Variants in PDE4D observed in about 807,000 individuals in gnomAD.
The protein encoded by PDE4D is 3',5'-cyclic-AMP phosphodiesterase 4D.
PDE4D carries 24 observed loss-of-function variants against 87.4 expected under a neutral mutation model. The observed-to-expected ratio is 0.27, with a 90% CI of 0.20 to 0.39. PDE4D has a LOEUF of 0.39. PDE4D is among the 10% of genes least tolerant of loss of function. The pLI is 1.00. For missense variants in PDE4D, 714 were observed against 1,041.0 expected, an observed-to-expected ratio of 0.69 and a Z score of 4.32; for synonymous variants, 384 against 383.2, an observed-to-expected ratio of 1.00 and a Z score of -0.02.
intron 5 of PDE4D, among the ~76,000 whole-genome samples, chr5:59,056,806 T>A (rs1658022822): frequency 6.6e-6 from 1 of 152,176 alleles, no homozygotes; most frequent in African/African-American, 2.4e-5. Flanking sequence ...TGCATAGTAC[T>A]CCATGGTGTA....
intron 1 of PDE4D, among the ~76,000 whole-genome samples, chr5:59,497,890 A>AACGT (rs763546439): frequency 6.6e-6 from 1 of 152,098 alleles, no homozygotes; most frequent in Non-Finnish European, 1.5e-5. Flanking sequence ...ATCCAAGGTC[A>AACGT]ACGTGAAAGA....
intron 1 of PDE4D, among the ~76,000 whole-genome samples, chr5:59,654,606 C>T (rs180951736): frequency 1.3e-5 from 2 of 152,148 alleles, no homozygotes; most frequent in East Asian, 3.9e-4. Flanking sequence ...ACTGAAATAC[C>T]ACACAATCTG....
intron 1 of PDE4D, among the ~76,000 whole-genome samples, chr5:60,199,428 T>C (rs1281481602): frequency 6.6e-6 from 1 of 151,742 alleles, no homozygotes; most frequent in East Asian, 1.9e-4. Context: ...TCATTCAAAA[T>C]GGTGATAAGG....
intron 1 of PDE4D, among the ~76,000 whole-genome samples, chr5:59,826,352 G>A (rs1770318049): frequency 6.6e-6 from 1 of 152,128 alleles, no homozygotes; most frequent in Admixed American, 6.5e-5. Context: ...TACAGTAGAA[G>A]CTACGGAAAG....
At chr5:59,853,430 T>A (rs926823697) in intron 1 of PDE4D, among the ~76,000 whole-genome samples, 1 of 152,048 alleles carries the variant, frequency 6.6e-6, no homozygotes, top group Non-Finnish European at 1.5e-5. Flanking sequence ...AATTTTGAAA[T>A]AAAAAAGTGA....
In PDE4D at chr5:60,432,633, C is replaced by CA. The variant is rs938768237; in HGVS notation, c.-90+55308dup. 2.2e-4 allele frequency among the ~76,000 whole-genome samples: 34 copies of CA among 152,038 alleles called. 1 individual carries two copies. Among genetic ancestry groups the CA allele is most frequent in the African/African-American group, 6.5e-4 (27 of 41,474 alleles). On this transcript the variant is annotated intron_variant, in intron 1 of 16. Coordinates refer to the PDE4D transcript ENST00000502484. The stretch of plus-strand genomic sequence containing the variant: ...CCCAAATGGCCAAAGCAATTCTAAG[C>CA]AAAAAAGAATAAAGCTGGAGGAATC...
rs1046707939 is a variant in PDE4D, at chr5:59,678,248, A to G, written c.455+214920T>C. Among the ~76,000 whole-genome samples, 3 of 152,322 alleles carry G rather than the reference A, an allele frequency of 2.0e-5. No individual in the cohort carries two copies. In the East Asian group the frequency reaches 5.8e-4, roughly 29 times the overall value. ...TTCACAACTTCTTATTGTAAAAGTA[A>G]CAACATTATTTCAAAATTTAATTAA... On this transcript the variant is annotated intron_variant, in intron 1 of 14. Transcript: ENST00000340635.
At chr5:60,072,969 T>C (rs1772885837) in intron 2 of PDE4D, among the ~76,000 whole-genome samples, 1 of 152,096 alleles carries the variant, frequency 6.6e-6, no homozygotes, top group African/African-American at 2.4e-5. Flanking sequence ...TGCTTAGTAT[T>C]GCCTTGGCTG....
intron 1 of PDE4D, among the ~76,000 whole-genome samples, chr5:59,832,479 C>T (rs981469866): frequency 2.2e-4 from 33 of 152,076 alleles, no homozygotes; most frequent in Admixed American, 3.3e-4. Context: ...TCAGTAGCAA[C>T]ATTTACACAC....
At chr5:60,093,789 G>GT (rs5868221) in intron 2 of PDE4D, among the ~76,000 whole-genome samples, 75,438 of 151,826 alleles carry the variant, frequency 0.5, 19,200 homozygotes, top group East Asian at 0.83. Flanking sequence ...ATGTAAAAAT[G>GT]TTTTTTGCAA....
intron 1 of PDE4D, among the ~76,000 whole-genome samples, chr5:60,315,355 T>C (rs941961298): frequency 2.0e-5 from 3 of 152,224 alleles, no homozygotes. Context: ...CTAGTAAATT[T>C]GTTTGAGTTC....
chr5:59,955,286 G>C (rs562258746), intron 3 of PDE4D, among the ~76,000 whole-genome samples: 1 of 152,116 alleles, frequency 6.6e-6, no homozygotes, highest in East Asian at 1.9e-4. Context: ...AGTTGATACT[G>C]GTAAATGTTT....
chr5:59,241,918 G>A (rs1374928056), intron 1 of PDE4D, among the ~76,000 whole-genome samples: 1 of 152,128 alleles, frequency 6.6e-6, no homozygotes, highest in African/African-American at 2.4e-5. Context: ...AAAGAATTCT[G>A]TATCATTTTG....
rs1302021701 is a variant in PDE4D at position 60,510,522 on chromosome 5, AT to A, written n.70+11528del. On this transcript the variant is annotated intron_variant and non_coding_transcript_variant, in intron 1 of 2. Coordinates refer to the PDE4D transcript ENST00000506510. The stretch of plus-strand genomic sequence containing the variant: ...AGAGGCAAGAAATGGCTAAAAAAAC[AT>A]GTCTAGCTAAAATAACAGCTGGGAA... Among the ~76,000 whole-genome samples the A allele has an allele frequency of 2.6e-5, 4 of 152,292 alleles. No individual in the cohort carries two copies. In the East Asian group the frequency reaches 7.7e-4, roughly 29 times the overall value.
In PDE4D at chr5:60,323,054, T is replaced by C. The variant is rs117313025; in HGVS notation, c.-89-137367A>G. ...CTCTGTAGGTTGATCTTCGTTCACATAGATGTGAGATTAAGTTCCTTAAAG... is the reference window on the plus strand; with the variant it reads ...CTCTGTAGGTTGATCTTCGTTCACACAGATGTGAGATTAAGTTCCTTAAAG... On this transcript the variant is annotated intron_variant, in intron 1 of 16. Transcript: ENST00000502484. 2.2e-4 allele frequency among the ~76,000 whole-genome samples: 33 copies of C among 152,348 alleles called. No individual in the cohort carries two copies. In the East Asian group the frequency reaches 4.2e-3, roughly 20 times the overall value.
rs200551591 is a variant in PDE4D, at chr5:59,466,219, T to A, written c.456-250251A>T. 2.1e-4 allele frequency among the ~76,000 whole-genome samples: 32 copies of A among 152,306 alleles called. No homozygotes were observed. The East Asian group carries it at 6.2e-3, about 29-fold the overall frequency. On this transcript the variant is annotated intron_variant, in intron 1 of 14. Transcript: ENST00000340635. ...TCCATTTAAATTAGCGTGTGTACAA[T>A]TAGAATTATTAAGAATTAAGTATGA...
intron 1 of PDE4D, among the ~76,000 whole-genome samples, chr5:60,474,146 A>ATG (rs1157291076): frequency 2.0e-5 from 2 of 99,216 alleles, no homozygotes; most frequent in Non-Finnish European, 3.6e-5. Context: ...ATATATATAT[A>ATG]TATAACAAAA....
chr5:59,596,712 C>G (rs1335145862), intron 1 of PDE4D, among the ~76,000 whole-genome samples: 5 of 152,126 alleles, frequency 3.3e-5, no homozygotes, highest in Admixed American at 2.6e-4. Flanking sequence ...CTTTCCTACA[C>G]TTCACCATTA....
intron 1 of PDE4D, among the ~76,000 whole-genome samples, chr5:59,501,173 G>A (rs1808230701): frequency 2.0e-5 from 3 of 152,066 alleles, no homozygotes; most frequent in African/African-American, 4.8e-5. Flanking sequence ...TCTGCCTTCC[G>A]ATTTTCATTA....
Sources: gnomAD v4.1 joint callset for allele counts (sites outside exome capture counted in the v4.1 genomes callset) on GRCh38, gnomAD v4.1.1 for gene constraint, MANE v1.5 for transcripts, NCBI Gene and HGNC (gene_info 2026-07-23, HGNC 2026-07-21) for gene names.